The following SYN3 variants were observed in gnomAD, a reference collection of about 807,000 sequenced individuals.
SYN3 encodes synapsin-3.
A neutral mutation model predicts 65.8 loss-of-function variants in SYN3; 35 were observed. That is an observed-to-expected ratio of 0.53 (90% CI 0.41 to 0.70). The LOEUF (loss-of-function observed/expected upper bound fraction) is 0.70, where lower values mean the gene tolerates loss of function less well. Among genes scored for constraint, SYN3 ranks in the 30% least tolerant of loss-of-function variants. The pLI is 0.00. For synonymous variants in SYN3, 270 were observed against 292.9 expected, an observed-to-expected ratio of 0.92 and a Z score of 0.80; for missense variants, 680 against 749.0, an observed-to-expected ratio of 0.91 and a Z score of 1.08.
chr22:32,849,567 G>A (rs1480840070), intron 6 of SYN3: 14 of 1,591,918 alleles, frequency 8.8e-6, no homozygotes, highest in Non-Finnish European at 1.2e-5. Flanking sequence ...CTCCGGGAAG[G>A]TTTTTGGGTT....
intron 6 of SYN3, among the ~76,000 whole-genome samples, chr22:32,757,051 T>TC (rs1014087787): frequency 1.8e-4 from 9 of 51,076 alleles, no homozygotes; most frequent in African/African-American, 1.3e-3. Context: ...TGGTTGCACT[T>TC]TTTTTTGAGG....
At chr22:32,695,058 C>T (rs1014200240) in intron 6 of SYN3, among the ~76,000 whole-genome samples, 3 of 152,108 alleles carry the variant, frequency 2.0e-5, no homozygotes, top group African/African-American at 7.2e-5. Context: ...TATATTAAGA[C>T]CACTTTTAAT....
chr22:32,641,665 G>GGGGAAT (rs2059902898), intron 6 of SYN3, among the ~76,000 whole-genome samples: 1 of 151,152 alleles, frequency 6.6e-6, no homozygotes, highest in African/African-American at 2.4e-5. Flanking sequence ...GAGGAGGGAA[G>GGGGAAT]GGGAATGACT....
intron 4 of SYN3, among the ~76,000 whole-genome samples, chr22:32,872,793 GGTTGTGACCTCCA>G (rs915036250): frequency 1.1e-4 from 17 of 152,254 alleles, no homozygotes; most frequent in African/African-American, 4.1e-4. Flanking sequence ...CAACATTTAA[GGTTGTGACCTCCA>G]GTAGTTACCG....
chr22:32,576,738 A>G (rs1247121846), intron 7 of SYN3, among the ~76,000 whole-genome samples: 2 of 151,722 alleles, frequency 1.3e-5, no homozygotes, highest in Non-Finnish European at 2.9e-5. Flanking sequence ...CTGCCTGGGT[A>G]CAAACCCTTA....
At chr22:32,944,929 C>T (rs2051058396) in intron 3 of SYN3, among the ~76,000 whole-genome samples, 1 of 152,150 alleles carries the variant, frequency 6.6e-6, no homozygotes, top group Non-Finnish European at 1.5e-5. Context: ...CATGAGTAAA[C>T]TCCCATTCAC....
At chr22:32,757,201 C>T (rs1400562452) in intron 6 of SYN3, among the ~76,000 whole-genome samples, 1 of 151,920 alleles carries the variant, frequency 6.6e-6, no homozygotes, top group African/African-American at 2.4e-5. Context: ...GGTCTTAGTT[C>T]CAGAGGGAGG....
chr22:32,510,984 CGTGTGTGTGTGTGT>C lies in SYN3; in HGVS notation c.*2694_*2707del, dbSNP rs111308299. On this transcript the variant is annotated 3_prime_UTR_variant, in exon 14 of 14. Coordinates refer to ENST00000358763, the MANE Select transcript of SYN3 (RefSeq NM_003490.4). Reference sequence around the variant, plus strand: ...TGTCAATTCCAAGTTATTGTCCAGGCGTGTGTGTGTGTGTGTGTGTGTGTGTGTGTGTAAGGGGA... The same window carrying C: ...TGTCAATTCCAAGTTATTGTCCAGGCGTGTGTGTGTGTGTGTGTAAGGGGA... Among the ~76,000 whole-genome samples the C allele has an allele frequency of 2.1e-5, 3 of 143,030 alleles. No homozygotes were observed. Among genetic ancestry groups the C allele is most frequent in the East Asian group, 2.0e-4 (1 of 4,880 alleles). The allele number at this position is 143,030 out of a possible 152,430, so 93.8% of individuals were successfully genotyped here.
intron 7 of SYN3, among the ~76,000 whole-genome samples, chr22:32,557,934 A>C (rs1248215813): frequency 6.6e-6 from 1 of 152,202 alleles, no homozygotes; most frequent in Admixed American, 6.5e-5. Context: ...ACCAGGTCAG[A>C]AGTTTTTTCT....
At chr22:32,737,279 G>A (rs1230678958) in intron 6 of SYN3, among the ~76,000 whole-genome samples, 2 of 152,104 alleles carry the variant, frequency 1.3e-5, no homozygotes, top group Non-Finnish European at 2.9e-5. Context: ...GTGAAGCTAA[G>A]TGATGTGACT....
chr22:32,804,595 G>A (rs539499965), intron 6 of SYN3, among the ~76,000 whole-genome samples: 132 of 152,284 alleles, frequency 8.7e-4, no homozygotes, highest in African/African-American at 3.0e-3. Flanking sequence ...GGTCCTCTCC[G>A]GGGGGCTGCC....
chr22:32,606,534 A>G (rs550335343), intron 6 of SYN3, among the ~76,000 whole-genome samples: 27 of 152,262 alleles, frequency 1.8e-4, no homozygotes, highest in African/African-American at 6.0e-4. Flanking sequence ...CATTTAGAGG[A>G]GTGAAATGTG....
In SYN3 at chr22:32,528,989, G is replaced by A. The variant is rs778540243; in HGVS notation, c.1115C>T (p.Pro372Leu). ...CTCTTCCACATGCTCTCCAATCAGC[G>A]GCATTGAGCTGTCCATTACCTGTGG... Reference protein sequence around the residue: ...YIIEVMDSSMPLIGEHVEEDR... With the variant: ...YIIEVMDSSMLLIGEHVEEDR... Residue 372 changes from proline (P) to leucine (L), a missense_variant, in exon 11 of 14, where the codon CCG becomes CTG. Pro to Leu is a moderately conservative substitution (Grantham distance 98). Coordinates refer to ENST00000358763, the MANE Select transcript of SYN3 (RefSeq NM_003490.4). 5.6e-6 allele frequency: 9 copies of A among 1,613,924 alleles called. No homozygotes were observed. The highest frequency in any genetic ancestry group is 2.2e-5 in the East Asian group (1 of 44,878).
intron 4 of SYN3, chr22:32,931,099 G>A (rs2050615050): frequency 3.7e-6 from 1 of 269,918 alleles, no homozygotes; most frequent in Non-Finnish European, 7.2e-6. Context: ...ATGAGAAGTA[G>A]AGGACAAAAG....
intron 6 of SYN3, among the ~76,000 whole-genome samples, chr22:32,757,208 G>A (rs1291682459): frequency 6.6e-6 from 1 of 151,950 alleles, no homozygotes; most frequent in African/African-American, 2.4e-5. Flanking sequence ...GTTCCAGAGG[G>A]AGGAACACTG....
At chr22:32,986,885 C>T (rs1486497662) in intron 2 of SYN3, among the ~76,000 whole-genome samples, 1 of 151,890 alleles carries the variant, frequency 6.6e-6, no homozygotes, top group Non-Finnish European at 1.5e-5. Context: ...CATCTGAGGC[C>T]CCAGGAAGAA....
intron 7 of SYN3, among the ~76,000 whole-genome samples, chr22:32,590,571 A>G (rs1407413488): frequency 9.9e-5 from 15 of 152,258 alleles, no homozygotes; most frequent in Admixed American, 6.5e-4. Flanking sequence ...TCAGCTTAGT[A>G]GACAATATCA....
intron 6 of SYN3, among the ~76,000 whole-genome samples, chr22:32,782,949 T>C (rs543877797): frequency 2.0e-5 from 3 of 152,360 alleles, no homozygotes; most frequent in East Asian, 3.9e-4. Context: ...CAACTCTCTA[T>C]TGAGAGGAGT....
chr22:32,852,577 G>A (rs1290790720), intron 6 of SYN3, among the ~76,000 whole-genome samples: 1 of 152,146 alleles, frequency 6.6e-6, no homozygotes, highest in Non-Finnish European at 1.5e-5. Flanking sequence ...CTTCCTTAGA[G>A]CAGGACTAAA....
Sources: allele counts gnomAD v4.1 joint callset (sites outside exome capture counted in the v4.1 genomes callset), GRCh38; gene constraint gnomAD v4.1.1; transcripts MANE v1.5; gene names NCBI Gene and HGNC (gene_info 2026-07-23, HGNC 2026-07-21).